Variants in ERICH1 observed in about 807,000 individuals in gnomAD.
ERICH1 encodes glutamate-rich protein 1.
In ERICH1, 56 loss-of-function variants were observed where a neutral mutation model predicts 39.6. That is an observed-to-expected ratio of 1.41 (90% confidence interval 1.14 to 1.77). ERICH1 has a LOEUF of 1.77. Among genes scored for constraint, ERICH1 ranks in the 40% most tolerant of loss-of-function variants. ERICH1 has a pLI of 0.00. For synonymous variants in ERICH1, 313 were observed against 223.6 expected, an observed-to-expected ratio of 1.40 and a Z score of -3.57; for missense variants, 826 against 575.4, an observed-to-expected ratio of 1.44 and a Z score of -4.45.
downstream of ERICH1, among the ~76,000 whole-genome samples, chr8:662,362 A>G (rs1209658684): frequency 1.3e-5 from 2 of 152,390 alleles, no homozygotes; most frequent in African/African-American, 4.8e-5. Flanking sequence ...ATTAAGAAGC[A>G]TTTAGGCCGG....
intron 3 of ERICH1, among the ~76,000 whole-genome samples, chr8:629,081 A>G (rs1487702351): frequency 1.3e-5 from 2 of 152,150 alleles, no homozygotes; most frequent in African/African-American, 4.8e-5. Context: ...CACAGTCCGA[A>G]GGTTGGAAAT....
intron 3 of ERICH1, among the ~76,000 whole-genome samples, chr8:674,661 G>A (rs1804260917): frequency 6.6e-6 from 1 of 152,060 alleles, no homozygotes; most frequent in Non-Finnish European, 1.5e-5. Flanking sequence ...TCTATGGGGG[G>A]GAAACCCGTA....
At chr8:650,441 T>C (rs371765297) in intron 3 of ERICH1, among the ~76,000 whole-genome samples, 12 of 152,162 alleles carry the variant, frequency 7.9e-5, no homozygotes, top group African/African-American at 2.7e-4. Flanking sequence ...CCTTAACTCG[T>C]TTTCCATCTC....
chr8:651,472 G>A (rs573386362), intron 3 of ERICH1, among the ~76,000 whole-genome samples: 1 of 152,252 alleles, frequency 6.6e-6, no homozygotes, highest in Non-Finnish European at 1.5e-5. Context: ...GCAAGAAAGT[G>A]CCCTTGGCAA....
intron 4 of ERICH1, 77 bp from the exon 5 acceptor site, chr8:668,869 A>G (rs982078087): frequency 7.3e-7 from 1 of 1,365,474 alleles, no homozygotes; most frequent in Middle Eastern, 2.7e-4. Flanking sequence ...TTCCTCTCTT[A>G]AGGAAGGTCT....
chr8:636,229 G>C (rs954334573), intron 3 of ERICH1, among the ~76,000 whole-genome samples: 1 of 152,248 alleles, frequency 6.6e-6, no homozygotes, highest in Non-Finnish European at 1.5e-5. Context: ...CCATGGCCCT[G>C]AGCCGAGCTG....
intron 1 of ERICH1, among the ~76,000 whole-genome samples, chr8:718,627 T>C (rs1228273819): frequency 1.3e-5 from 2 of 152,314 alleles, no homozygotes; most frequent in African/African-American, 2.4e-5. Flanking sequence ...TTCTCAGGGA[T>C]AACTGACATG....
intron 2 of ERICH1, among the ~76,000 whole-genome samples, chr8:698,277 G>A (rs1018766021): frequency 2.7e-5 from 4 of 150,630 alleles, no homozygotes; most frequent in Non-Finnish European, 5.9e-5. Flanking sequence ...GGAGTGCAGC[G>A]GCTCGATCTC....
intron 1 of ERICH1, chr8:725,319 T>C (rs1313595683): frequency 6.5e-6 from 1 of 154,708 alleles, no homozygotes; most frequent in East Asian, 1.9e-4. Context: ...AGTGACCAGC[T>C]TGTGACTCCA....
At chr8:621,907 A>G (rs561938132) in intron 3 of ERICH1, among the ~76,000 whole-genome samples, 2 of 152,364 alleles carry the variant, frequency 1.3e-5, no homozygotes, top group South Asian at 4.1e-4. Context: ...ACAATTAGAG[A>G]TTAAATAATG....
chr8:629,484 G>C (rs6985090), intron 3 of ERICH1, among the ~76,000 whole-genome samples: 3,736 of 106,630 alleles, frequency 0.035, 204 homozygotes, highest in African/African-American at 0.067. Flanking sequence ...CACAGACAGA[G>C]CTGACTCACA....
At chr8:650,154 G>A (rs973817621) in intron 3 of ERICH1, among the ~76,000 whole-genome samples, 1 of 152,218 alleles carries the variant, frequency 6.6e-6, no homozygotes, top group African/African-American at 2.4e-5. Flanking sequence ...GGGCGCTTGC[G>A]TGTCCGGCAC....
chr8:659,773 CCAG>C (rs1419709560), downstream of ERICH1, among the ~76,000 whole-genome samples: 2 of 21,622 alleles, frequency 9.2e-5, 1 homozygote, highest in African/African-American at 6.4e-4. Flanking sequence ...ATCGAGATCT[CCAG>C]TGTGCACTGA....
At chr8:693,297 TTTA>T (rs1281389748) in intron 2 of ERICH1, among the ~76,000 whole-genome samples, 13 of 151,640 alleles carry the variant, frequency 8.6e-5, no homozygotes, top group African/African-American at 2.9e-4. Flanking sequence ...TGTCACATAC[TTTA>T]TTATTATACA....
In ERICH1 at chr8:646,870, G is replaced by A. The variant is rs1242012763; in HGVS notation, c.976+21728C>T. 2.9e-5 allele frequency among the ~76,000 whole-genome samples: 2 copies of A among 69,596 alleles called. 1 individual carries two copies. Among genetic ancestry groups the A allele is most frequent in the African/African-American group, 7.2e-5 (2 of 27,662 alleles). The allele number at this position is 69,596 out of a possible 152,430, so 45.7% of individuals were successfully genotyped here. ...CCAGTGAACCAGGTGCCCTAGGGGTGCAGAAGTGTGCTGCCCACACCTGGT... is the reference window on the plus strand; with the variant it reads ...CCAGTGAACCAGGTGCCCTAGGGGTACAGAAGTGTGCTGCCCACACCTGGT... On this transcript the variant is annotated intron_variant, in intron 3 of 3. Coordinates refer to the ERICH1 transcript ENST00000522706.
At chr8:662,470 G>A (rs931485507), downstream of ERICH1, among the ~76,000 whole-genome samples, 2 of 69,092 alleles carry the variant, frequency 2.9e-5, no homozygotes, top group African/African-American at 1.7e-4. Flanking sequence ...CCAACATGGA[G>A]AAACCCTTTC....
chr8:709,310 A>G (rs1454305305), intron 2 of ERICH1, among the ~76,000 whole-genome samples: 1 of 152,198 alleles, frequency 6.6e-6, no homozygotes, highest in East Asian at 1.9e-4. Flanking sequence ...GAACCCTCAG[A>G]AATCACATGT....
intron 3 of ERICH1, among the ~76,000 whole-genome samples, chr8:637,160 G>C (rs990401225): frequency 7.9e-5 from 12 of 152,326 alleles, no homozygotes; most frequent in African/African-American, 2.4e-4. Context: ...GGCCCATCGG[G>C]GCTGTAGTTG....
At chr8:701,158 G>A (rs1012941135) in intron 2 of ERICH1, among the ~76,000 whole-genome samples, 6 of 152,274 alleles carry the variant, frequency 3.9e-5, no homozygotes, top group Non-Finnish European at 8.8e-5. Flanking sequence ...AGAAGAACCA[G>A]GTGGACGGGT....
Sources: gnomAD v4.1 joint callset for allele counts (sites outside exome capture counted in the v4.1 genomes callset) on GRCh38, gnomAD v4.1.1 for gene constraint, MANE v1.5 for transcripts, NCBI Gene and HGNC (gene_info 2026-07-23, HGNC 2026-07-21) for gene names.